The following SND1 variants were observed in gnomAD, a reference collection of about 807,000 sequenced individuals.
SND1 encodes the protein staphylococcal nuclease and tudor domain containing 1.
In SND1, 38 loss-of-function variants were observed where a neutral mutation model predicts 121.7. That is an observed-to-expected ratio of 0.31 (90% CI 0.24 to 0.41). The LOEUF is 0.41. Among genes scored for constraint, SND1 ranks in the 10% least tolerant of loss-of-function variants. The probability of loss-of-function intolerance (pLI) is 1.00; values close to 1 mark genes in which losing one functional copy is unlikely to be tolerated. For synonymous variants in SND1, 401 were observed against 447.4 expected (o/e 0.90, Z 1.31); for missense variants, 868 against 1,184.6 (o/e 0.73, Z 3.92).
intron 12 of SND1, among the ~76,000 whole-genome samples, chr7:127,871,408 A>G (rs2116700257): frequency 6.6e-6 from 1 of 152,280 alleles, no homozygotes; most frequent in East Asian, 1.9e-4. Flanking sequence ...CAGCATCACC[A>G]CAAACTTGTG....
intron 15 of SND1, among the ~76,000 whole-genome samples, chr7:127,975,814 C>T (rs1250568180): frequency 6.6e-6 from 1 of 152,182 alleles, no homozygotes; most frequent in East Asian, 1.9e-4. Flanking sequence ...CACGCTACCC[C>T]GTTCTTCTCT....
chr7:127,787,153 T>C (rs1232740183), intron 10 of SND1, among the ~76,000 whole-genome samples: 1 of 152,250 alleles, frequency 6.6e-6, no homozygotes, highest in Non-Finnish European at 1.5e-5. Context: ...AAACTTCTCA[T>C]CATTGTCATC....
chr7:127,954,409 A>G (rs1333209401), intron 15 of SND1, among the ~76,000 whole-genome samples: 1 of 151,936 alleles, frequency 6.6e-6, no homozygotes, highest in Non-Finnish European at 1.5e-5. Flanking sequence ...TTTTTGCTTG[A>G]GTTGTGCTTC....
chr7:127,741,300 G>A (rs1272908372), intron 10 of SND1, among the ~76,000 whole-genome samples: 1 of 152,184 alleles, frequency 6.6e-6, no homozygotes, highest in Non-Finnish European at 1.5e-5. Flanking sequence ...TTCTCAAGAA[G>A]TAAAATCTAA....
chr7:127,833,751 A>G (rs569030485), intron 11 of SND1, among the ~76,000 whole-genome samples: 2 of 152,364 alleles, frequency 1.3e-5, no homozygotes, highest in East Asian at 1.9e-4. Flanking sequence ...TTTTAAGTGT[A>G]CAATTCAGTG....
chr7:127,875,722 T>C (rs368338901), intron 12 of SND1, among the ~76,000 whole-genome samples: 6 of 152,192 alleles, frequency 3.9e-5, no homozygotes, highest in African/African-American at 1.4e-4. Flanking sequence ...TAGGTTAATG[T>C]GTGTTTAAAT....
intron 10 of SND1, among the ~76,000 whole-genome samples, chr7:127,731,529 T>G (rs911546229): frequency 1.3e-5 from 2 of 152,194 alleles, no homozygotes; most frequent in Non-Finnish European, 2.9e-5. Context: ...GCCCCGTGGC[T>G]GCCTGCCTCT....
At chr7:127,968,991 A>G (rs1444461277) in intron 15 of SND1, among the ~76,000 whole-genome samples, 4 of 152,040 alleles carry the variant, frequency 2.6e-5, no homozygotes, top group Middle Eastern at 3.4e-3. Context: ...TTACGACTCA[A>G]CTCCATCCAG....
At chr7:127,821,670 C>T (rs1798552020) in intron 11 of SND1, among the ~76,000 whole-genome samples, 1 of 151,542 alleles carries the variant, frequency 6.6e-6, no homozygotes, top group Non-Finnish European at 1.5e-5. Context: ...TTTTATGTAA[C>T]ATAACTTGTT....
intron 10 of SND1, among the ~76,000 whole-genome samples, chr7:127,764,367 G>A (rs1797372043): frequency 6.6e-6 from 1 of 151,956 alleles, no homozygotes; most frequent in Non-Finnish European, 1.5e-5. Flanking sequence ...AGTAGGTACA[G>A]TGTGTGTGTG....
Position 128,081,388 on chromosome 7 carries a change from T to G in SND1, c.1997T>G (p.Val666Gly). The change falls in exon 18 of 24, where the codon GTG becomes GGG. Residue 666 changes from valine (V) to glycine (G), a missense_variant. By Grantham distance (109) the Val-to-Gly change is moderately radical (BLOSUM62 -3). Coordinates refer to ENST00000354725, the MANE Select transcript of SND1 (RefSeq NM_014390.4). ...TGGGCCCACTATGAGGAGCAGCCCGTGGAGGAGGTGATGCCAGTGCTGGAG... is the reference window on the plus strand; with the variant it reads ...TGGGCCCACTATGAGGAGCAGCCCGGGGAGGAGGTGATGCCAGTGCTGGAG... ...KVWAHYEEQP[V>G]EEVMPVLEEK... is the part of the protein sequence containing the mutation. 6.2e-7 allele frequency: 1 copy of G among 1,614,014 alleles called. No homozygotes were observed. Among genetic ancestry groups the G allele is most frequent in the Non-Finnish European group, 8.5e-7 (1 of 1,179,972 alleles).
At position 128,074,567 on chromosome 7, in the gene SND1, T is replaced by C. The variant is rs1793474062; in HGVS notation, c.1845T>C (p.Gly615=). The change falls in exon 17 of 24, where the codon GGT becomes GGC. Residue 615 remains glycine (G), a synonymous_variant. Transcript: ENST00000354725. The part of the protein sequence containing the change: ...GNFIGWLHID[G]ANLSVLLVEH... ...TTATCGGCTGGCTGCACATCGACGG[T>C]GCCAACCTGTCCGTCCTGCTGGTGG... The C allele has an allele frequency of 1.2e-6, 2 of 1,613,184 alleles. No homozygotes were observed. The highest frequency in any genetic ancestry group is 1.7e-6 in the Non-Finnish European group (2 of 1,179,682).
At chr7:128,078,287 C>A (rs952716619) in intron 17 of SND1, among the ~76,000 whole-genome samples, 3 of 152,262 alleles carry the variant, frequency 2.0e-5, no homozygotes, top group Non-Finnish European at 4.4e-5. Context: ...TCCATCCCCA[C>A]AGGGAAAGAG....
rs1028747404 is a variant in SND1, at chr7:128,085,318, G to T, written c.2235-393G>T. Among the ~76,000 whole-genome samples the T allele has an allele frequency of 1.3e-5, 2 of 152,104 alleles. No individual in the cohort carries two copies. The highest frequency in any genetic ancestry group is 2.9e-5 in the Non-Finnish European group (2 of 68,026). ...GTAATCTACCAAGGGAGGGCCCATG[G>T]CCTTCCCAGGGTGACGAAGTGACTT... is the stretch of plus-strand genomic sequence containing the variant. On this transcript the variant is annotated intron_variant, in intron 19 of 23. Coordinates refer to ENST00000354725, the MANE Select transcript of SND1 (RefSeq NM_014390.4). The surrounding 1 kb of genome is among the most constrained non-coding windows in gnomAD (Gnocchi z 4.4).
Position 128,085,878 on chromosome 7 carries a change from A to G in SND1, c.2304+98A>G. 9.5e-7 allele frequency: 1 copy of G among 1,051,396 alleles called. No individual in the cohort carries two copies. The allele number at this position is 1,051,396 out of a possible 1,614,324, so 65.1% of individuals were successfully genotyped here. On this transcript the variant is annotated intron_variant, in intron 20 of 23. Coordinates refer to ENST00000354725, the MANE Select transcript of SND1 (RefSeq NM_014390.4). The surrounding 1 kb of genome is among the most constrained non-coding windows in gnomAD (Gnocchi z 4.4). ...CTCCAAGGTCCCTCTGAGCTTACCAATAGAACAATGAGCATTGGGGCATCT... is the reference window on the plus strand; with the variant it reads ...CTCCAAGGTCCCTCTGAGCTTACCAGTAGAACAATGAGCATTGGGGCATCT...
At chr7:127,945,740 C>T (rs909899078) in intron 15 of SND1, among the ~76,000 whole-genome samples, 3 of 152,100 alleles carry the variant, frequency 2.0e-5, no homozygotes, top group Admixed American at 6.6e-5. Flanking sequence ...ATTCATTCCA[C>T]GTCTGAGTTT....
At chr7:127,836,314 T>C (rs1798868124) in intron 11 of SND1, among the ~76,000 whole-genome samples, 1 of 152,170 alleles carries the variant, frequency 6.6e-6, no homozygotes, top group Non-Finnish European at 1.5e-5. Context: ...AAATGAAATG[T>C]AGTCAAAATA....
intron 14 of SND1, among the ~76,000 whole-genome samples, chr7:127,908,318 ATGTGTGTGTG>A (rs10579969): frequency 0.21 from 29,182 of 138,476 alleles, 3,855 homozygotes; most frequent in East Asian, 0.62. Context: ...ATAATAATAA[ATGTGTGTGTG>A]TGTGTGTGTG....
intron 14 of SND1, among the ~76,000 whole-genome samples, chr7:127,914,919 C>A (rs1162807690): frequency 6.6e-6 from 1 of 152,152 alleles, no homozygotes. Context: ...ATGGCACTTA[C>A]CTCATTGGAT....
Sources: allele counts gnomAD v4.1 joint callset (sites outside exome capture counted in the v4.1 genomes callset), GRCh38; gene constraint gnomAD v4.1.1; non-coding constraint Gnocchi (gnomAD v3.1); transcripts MANE v1.5; gene names NCBI Gene and HGNC (gene_info 2026-07-23, HGNC 2026-07-21).